ADAM32: variants seen among roughly 807,000 people sequenced by gnomAD.
ADAM32 encodes the protein ADAM metallopeptidase domain 32, also known as disintegrin and metalloproteinase domain-containing protein 32.
In ADAM32, 89 loss-of-function variants were observed where a neutral mutation model predicts 114.9. That is an observed-to-expected ratio of 0.77 (90% confidence interval 0.65 to 0.92). The LOEUF (loss-of-function observed/expected upper bound fraction) is 0.92, where lower values mean the gene tolerates loss of function less well. Among genes scored for constraint, ADAM32 ranks in the 40% least tolerant of loss-of-function variants. ADAM32 has a pLI of 0.00. For missense variants in ADAM32, 870 were observed against 932.8 expected, an observed-to-expected ratio of 0.93 and a Z score of 0.88; for synonymous variants, 285 against 307.5, an observed-to-expected ratio of 0.93 and a Z score of 0.77.
intron 11 of ADAM32, among the ~76,000 whole-genome samples, chr8:39,198,745 T>TTTTCTCTTCTCCTTTTC (rs1162765307): frequency 6.6e-6 from 1 of 152,186 alleles, no homozygotes; most frequent in Non-Finnish European, 1.5e-5. Context: ...TAACATTTTT[T>TTTTCTCTTCTCCTTTTC]TTTTCTCTTC....
intron 10 of ADAM32, among the ~76,000 whole-genome samples, chr8:39,179,507 A>G (rs1259105673): frequency 2.0e-5 from 3 of 152,176 alleles, no homozygotes; most frequent in Non-Finnish European, 4.4e-5. Context: ...CTGGGTGTCC[A>G]TAGTATGCCC....
chr8:39,264,270 C>T (rs939907640), intron 19 of ADAM32, among the ~76,000 whole-genome samples: 7 of 152,158 alleles, frequency 4.6e-5, no homozygotes, highest in African/African-American at 1.4e-4. Flanking sequence ...TCAGTTTCTT[C>T]ATGGTTCAAT....
rs1245569405 is a variant in ADAM32 at position 39,254,440 on chromosome 8, T to C, written c.1929T>C (p.His643=). The change falls in exon 18 of 25, where the codon CAT becomes CAC. Residue 643 remains histidine (H), a synonymous_variant. Coordinates refer to ENST00000379907, the MANE Select transcript of ADAM32 (RefSeq NM_145004.7). ...HGVCDSRNKC[H]CSPGYKPPNC... ...TGTGTGATTCCAGAAACAAGTGCCA[T>C]TGTTCGCCAGGCTATAAGCCTCCAA... is the stretch of plus-strand genomic sequence containing the variant. 6.2e-7 allele frequency: 1 copy of C among 1,601,190 alleles called. No homozygotes were observed. The highest frequency in any genetic ancestry group is 8.5e-7 in the Non-Finnish European group (1 of 1,173,350).
chr8:39,238,812 T>C (rs1171971495), intron 16 of ADAM32, among the ~76,000 whole-genome samples: 2 of 151,788 alleles, frequency 1.3e-5, no homozygotes, highest in African/African-American at 4.8e-5. Flanking sequence ...ATTGAACAAG[T>C]AGAAGAATTT....
intron 3 of ADAM32, 83 bp downstream of exon 3, chr8:39,136,801 A>T: frequency 1.1e-6 from 1 of 891,888 alleles, no homozygotes; most frequent in East Asian, 3.0e-5. Flanking sequence ...GTATGAGAAA[A>T]ATACATGGAA....
At chr8:39,181,744 G>A (rs1486281572) in intron 10 of ADAM32, among the ~76,000 whole-genome samples, 1 of 152,216 alleles carries the variant, frequency 6.6e-6, no homozygotes, top group African/African-American at 2.4e-5. Flanking sequence ...TGAAAATGTG[G>A]TTGGAACCAT....
At chr8:39,219,093 A>T (rs1292507309) in intron 12 of ADAM32, among the ~76,000 whole-genome samples, 1 of 151,942 alleles carries the variant, frequency 6.6e-6, no homozygotes, top group African/African-American at 2.4e-5. Flanking sequence ...CACCACCCTG[A>T]TCAGTGCCCT....
intron 2 of ADAM32, among the ~76,000 whole-genome samples, chr8:39,133,888 A>C (rs540412285): frequency 1.6e-4 from 24 of 152,286 alleles, no homozygotes; most frequent in African/African-American, 4.6e-4. Flanking sequence ...AGGCCCATGC[A>C]ACTGTGCTGT....
intron 3 of ADAM32, among the ~76,000 whole-genome samples, chr8:39,145,503 G>A (rs189170426): frequency 4.8e-4 from 73 of 152,140 alleles, no homozygotes; most frequent in Admixed American, 4.4e-3. Flanking sequence ...AAGTAAGAAA[G>A]AGAAACAGCC....
intron 12 of ADAM32, among the ~76,000 whole-genome samples, chr8:39,218,210 C>T (rs1404748908): frequency 6.6e-6 from 1 of 152,122 alleles, no homozygotes; most frequent in East Asian, 1.9e-4. Context: ...TACTTTCTCT[C>T]AAACAAATGG....
intron 22 of ADAM32, among the ~76,000 whole-genome samples, chr8:39,278,655 CTAT>C (rs1210222801): frequency 6.6e-6 from 1 of 151,144 alleles, no homozygotes; most frequent in Non-Finnish European, 1.5e-5. Context: ...ATTATTATTA[CTAT>C]TATTATAATC....
chr8:39,281,920 C>T (rs1813442962), intron 23 of ADAM32, among the ~76,000 whole-genome samples: 1 of 152,122 alleles, frequency 6.6e-6, no homozygotes, highest in Non-Finnish European at 1.5e-5. Context: ...TAGGCTACAC[C>T]AAAACATTAT....
At chr8:39,264,323 A>G (rs1361968784) in intron 19 of ADAM32, among the ~76,000 whole-genome samples, 1 of 152,084 alleles carries the variant, frequency 6.6e-6, no homozygotes, top group Admixed American at 6.5e-5. Context: ...TATTTCTTCT[A>G]GGTTTTCTAG....
chr8:39,219,717 A>G (rs866304795), intron 12 of ADAM32, among the ~76,000 whole-genome samples: 1 of 152,182 alleles, frequency 6.6e-6, no homozygotes, highest in Non-Finnish European at 1.5e-5. Context: ...ATTCAAGAGC[A>G]AGTTGTTTAA....
At chr8:39,201,628 C>T (rs1255608465) in intron 11 of ADAM32, among the ~76,000 whole-genome samples, 3 of 152,172 alleles carry the variant, frequency 2.0e-5, no homozygotes. Flanking sequence ...TTTCTTTCTC[C>T]TGCCTGATTG....
chr8:39,196,760 G>A lies in ADAM32; in HGVS notation c.1052+9715G>A, dbSNP rs147323197. On this transcript the variant is annotated intron_variant, in intron 11 of 24. Transcript: ENST00000379907. ...TACTAATACGTTGTTGAGAATTTTTGTGTCTATGTTCATTGGGGATATTGG... is the reference window on the plus strand; with the variant it reads ...TACTAATACGTTGTTGAGAATTTTTATGTCTATGTTCATTGGGGATATTGG... Among the ~76,000 whole-genome samples the A allele has an allele frequency of 3.4e-4, 51 of 151,924 alleles. 1 individual carries two copies. The highest frequency in any genetic ancestry group is 1.9e-3 in the South Asian group (9 of 4,816).
Position 39,221,704 on chromosome 8 carries a change from T to A in ADAM32, c.1326+2T>A. ...GGACTGTGCTGCAAAGACTGTCAAG[T>A]AAGATTTAAGCTTATGAACATCTTT... On this transcript the variant is annotated splice_donor_variant, in intron 13 of 24. Transcript: ENST00000379907. LOFTEE classifies it high-confidence loss of function. 1 of 1,604,696 alleles carries A rather than the reference T, an allele frequency of 6.2e-7. No individual in the cohort carries two copies. The highest frequency in any genetic ancestry group is 1.1e-5 in the South Asian group (1 of 90,196).
intron 3 of ADAM32, among the ~76,000 whole-genome samples, chr8:39,142,276 T>G (rs1427845794): frequency 6.6e-6 from 1 of 152,190 alleles, no homozygotes; most frequent in Non-Finnish European, 1.5e-5. Context: ...TCCCATTAAT[T>G]GATGCAGTTT....
intron 16 of ADAM32, among the ~76,000 whole-genome samples, chr8:39,237,643 C>G (rs1810263161): frequency 6.6e-6 from 1 of 152,164 alleles, no homozygotes; most frequent in African/African-American, 2.4e-5. Context: ...TATGAAGCAG[C>G]AGAGGCAGCC....
Sources: gnomAD v4.1 joint callset for allele counts (sites outside exome capture counted in the v4.1 genomes callset) on GRCh38, gnomAD v4.1.1 for gene constraint, MANE v1.5 for transcripts, NCBI Gene and HGNC (gene_info 2026-07-23, HGNC 2026-07-21) for gene names.